Variants in ACTN3 observed in about 807,000 individuals in gnomAD.
The protein encoded by ACTN3 is actinin alpha 3.
ACTN3 carries 91 observed loss-of-function variants against 119.6 expected under a neutral mutation model. The ratio of observed to expected loss-of-function variants is 0.76; its 90% CI spans 0.64 to 0.91. The LOEUF (loss-of-function observed/expected upper bound fraction) is 0.91. Ranked by LOEUF, ACTN3 falls within the 40% of genes least tolerant of loss-of-function variation. The pLI is 0.00. For missense variants in ACTN3, 1,221 were observed against 1,215.1 expected (o/e 1.00, Z -0.07); for synonymous variants, 456 against 478.8 (o/e 0.95, Z 0.62).
intron 11 of ACTN3, 186 bp from the exon 12 acceptor site, chr11:66,559,050 C>T (rs564970643): frequency 4.6e-5 from 23 of 498,294 alleles, no homozygotes; most frequent in African/African-American, 4.0e-4. Context: ...ATGTCATTTG[C>T]GGATCACGCC....
At position 66,560,063 on chromosome 11, in the gene ACTN3, G is replaced by A. The variant is rs192533489; in HGVS notation, c.1523G>A (p.Arg508Gln). 21 of 1,594,968 alleles carry A rather than the reference G, an allele frequency of 1.3e-5. No homozygotes were observed. Among genetic ancestry groups the A allele is most frequent in the Non-Finnish European group, 1.5e-5 (18 of 1,172,862 alleles). ...DNLGTLTQKR[R>Q]DALERMEKLL... ...CTGGGCACCCTGACCCAGAAGAGGC[G>A]GGATGCGCTAGAGGTGGGGCTGGGG... Residue 508 changes from arginine (R) to glutamine (Q), a missense_variant, in exon 13 of 21, where the codon CGG becomes CAG. Arg to Gln is a conservative substitution (Grantham distance 43, BLOSUM62 1). Transcript: ENST00000513398.
intron 14 of ACTN3, 90 bp downstream of exon 14, chr11:66,560,401 G>C: frequency 2.6e-6 from 4 of 1,510,440 alleles, no homozygotes; most frequent in Non-Finnish European, 3.6e-6. Flanking sequence ...CTGGGGCATA[G>C]GGATGGGAGG....
chr11:66,563,224 GGA>G lies in ACTN3; in HGVS notation c.*37_*38del. The G allele has an allele frequency of 6.4e-7, 1 of 1,571,732 alleles. No homozygotes were observed. Among genetic ancestry groups the G allele is most frequent in the Non-Finnish European group, 8.7e-7 (1 of 1,155,408 alleles). On this transcript the variant is annotated 3_prime_UTR_variant, in exon 21 of 21. Transcript: ENST00000513398. ...ACCACTGAGGTTCTCTATGCAAGAT[GGA>G]GAGAGGATGCACCCTGTGGCTGATC...
Position 66,561,651 on chromosome 11 carries a change from C to T in ACTN3, c.2175+14C>T. On this transcript the variant is annotated intron_variant, in intron 17 of 20. Transcript: ENST00000513398. Reference sequence around the variant, plus strand: ...TACAGCATGGAGGTGGGATCACACCCTCTCAGGAGAGTGGGGAGGCAGCAC... The same window carrying T: ...TACAGCATGGAGGTGGGATCACACCTTCTCAGGAGAGTGGGGAGGCAGCAC... The T allele has an allele frequency of 1.9e-6, 3 of 1,605,706 alleles. No homozygotes were observed. Among genetic ancestry groups the T allele is most frequent in the Non-Finnish European group, 2.6e-6 (3 of 1,175,754 alleles).
intron 17 of ACTN3, 52 bp downstream of exon 17, chr11:66,561,689 C>T (rs938072265): frequency 1.3e-6 from 2 of 1,559,386 alleles, no homozygotes; most frequent in Admixed American, 3.7e-5. Context: ...GCTGAGGAGG[C>T]CCAGGGAGAT....
chr11:66,557,610 G>C, intron 9 of ACTN3, 89 bp from the exon 10 acceptor site: 1 of 1,401,418 alleles, frequency 7.1e-7, no homozygotes, highest in Non-Finnish European at 9.7e-7. Flanking sequence ...CTACACTCTG[G>C]CCACAGCCTG....
chr11:66,557,243 C>T lies in ACTN3; in HGVS notation c.897+18C>T, dbSNP rs775522947. On this transcript the variant is annotated intron_variant, in intron 9 of 20. Transcript: ENST00000513398. ...CCAGTGAGGTGAGGCTGGGCTCCCACCGTGCTCTCCCCACCCCAGCCCTAC... is the reference window on the plus strand; with the variant it reads ...CCAGTGAGGTGAGGCTGGGCTCCCATCGTGCTCTCCCCACCCCAGCCCTAC... The T allele has an allele frequency of 1.9e-6, 3 of 1,549,950 alleles. No homozygotes were observed. Among genetic ancestry groups the T allele is most frequent in the Non-Finnish European group, 2.6e-6 (3 of 1,145,932 alleles).
intron 1 of ACTN3, among the ~76,000 whole-genome samples, chr11:66,547,678 C>G: frequency 6.6e-6 from 1 of 152,190 alleles, no homozygotes; most frequent in East Asian, 1.9e-4. Context: ...TTCCCTACCC[C>G]CATTCTTTCC....
In ACTN3 at chr11:66,551,281, A is replaced by G. The variant is rs1252823244; in HGVS notation, c.190A>G (p.Thr64Ala). The G allele has an allele frequency of 1.2e-6, 2 of 1,612,688 alleles. No individual in the cohort carries two copies. Among genetic ancestry groups the G allele is most frequent in the South Asian group, 2.2e-5 (2 of 90,658 alleles). ...CAACTCACACCTGCGCAAGGCAGGC[A>G]CCCAGATCGAGAACATCGAGGAAGA... ...WCNSHLRKAGTQIENIEEDFR... is the reference protein window; with the variant it reads ...WCNSHLRKAGAQIENIEEDFR... The change falls in exon 2 of 21, where the codon ACC (threonine) becomes GCC (alanine). Residue 64 changes from threonine to alanine, a missense_variant. Transcript: ENST00000513398.
At chr11:66,546,539 C>A (rs769391738), upstream of ACTN3, 4 of 1,535,562 alleles carry the variant, frequency 2.6e-6, no homozygotes, top group Non-Finnish European at 3.5e-6. Flanking sequence ...GTCCCACCAG[C>A]GAGGTGCTGG....
Position 66,547,059 on chromosome 11 carries a change from C to A in ACTN3, c.122C>A (p.Pro41Gln), listed in dbSNP as rs200315462. ...EDWDRDLLLD[P>Q]AWEKQQRKTF... ...TGGGACCGCGACCTGCTGCTGGACC[C>A]GGCCTGGGAGAAGCAGCAGCGGAAA... is the stretch of plus-strand genomic sequence containing the variant. The change falls in exon 1 of 21, where the codon CCG becomes CAG. Residue 41 changes from proline to glutamine, a missense_variant. By Grantham distance (76) the Pro-to-Gln change is moderately conservative (BLOSUM62 -1). Transcript: ENST00000513398. The A allele has an allele frequency of 3.0e-3, 4,529 of 1,508,810 alleles. 10 individuals carry two copies. The highest frequency in any genetic ancestry group is 3.6e-3 in the Non-Finnish European group (4,013 of 1,130,332). 93.5% of individuals were successfully genotyped at this position (1,508,810 alleles called of 1,614,324 possible).
intron 3 of ACTN3, among the ~76,000 whole-genome samples, chr11:66,552,065 G>C (rs555795361): frequency 6.7e-6 from 1 of 149,426 alleles, no homozygotes; most frequent in Non-Finnish European, 1.5e-5. Context: ...AACAGAGCGA[G>C]AGACTCTGTC....
intron 5 of ACTN3, 39 bp from the exon 6 acceptor site, chr11:66,555,091 C>G: frequency 1.9e-6 from 3 of 1,606,420 alleles, no homozygotes; most frequent in Non-Finnish European, 2.6e-6. Context: ...GGGGCCCCAG[C>G]TTGAACCCAG....
chr11:66,561,278 C>T lies in ACTN3; in HGVS notation c.1912C>T (p.Arg638Trp), dbSNP rs537021714. Residue 638 changes from arginine (R) to tryptophan (W), a missense_variant, in exon 16 of 21, where the codon CGG (arginine) becomes TGG (tryptophan). Physicochemically the swap from Arg to Trp is moderately radical, Grantham distance 101. This residue lies in a region of ACTN3 where 934 missense variants were observed against 899.9 expected (regional missense o/e 1.04). Transcript: ENST00000513398. ...CDQTLQEELA[R>W]QQVNERLRRQ... ...CCAGACACTGCAGGAGGAGCTGGCA[C>T]GGCAGCAGGTAAACGAGAGGCTCCG... 48 of 1,604,672 alleles carry T rather than the reference C, an allele frequency of 3.0e-5. No individual in the cohort carries two copies. The East Asian group carries it at 5.2e-4, about 17-fold the overall frequency.
chr11:66,561,973 G>A (rs1294320857), intron 17 of ACTN3, 49 bp from the exon 18 acceptor site: 1 of 1,561,394 alleles, frequency 6.4e-7, no homozygotes, highest in African/African-American at 1.4e-5. Flanking sequence ...TAGAGCCAGT[G>A]GCCAGGCACT....
intron 1 of ACTN3, among the ~76,000 whole-genome samples, chr11:66,549,718 C>T (rs1020191194): frequency 3.6e-5 from 4 of 111,912 alleles, no homozygotes; most frequent in Admixed American, 1.4e-4. Context: ...GCAACAAGCG[C>T]GAAACTCTGT....
In ACTN3 at chr11:66,562,107, C is replaced by T; in HGVS notation, c.2261C>T (p.Ala754Val). The T allele has an allele frequency of 6.2e-7, 1 of 1,614,060 alleles. No homozygotes were observed. Among genetic ancestry groups the T allele is most frequent in the South Asian group, 1.1e-5 (1 of 91,076 alleles). Residue 754 changes from alanine (A) to valine (V), a missense_variant, in exon 18 of 21, where the codon GCC becomes GTC. Physicochemically the swap from Ala to Val is moderately conservative, Grantham distance 64. Coordinates refer to ENST00000513398, the MANE Select transcript of ACTN3 (RefSeq NM_001104.4). ...GAGAACCAGGTACTGACCCGAGACG[C>T]CAAGGGACTGAGCCAGGAGCAGCTC... ...EVENQVLTRD[A>V]KGLSQEQLNE...
At chr11:66,555,479 C>T in intron 7 of ACTN3, 112 bp downstream of exon 7, 1 of 1,035,924 alleles carries the variant, frequency 9.7e-7, no homozygotes, top group Non-Finnish European at 1.5e-6. Context: ...CGACCACCCC[C>T]ACCCCACTCC....
At chr11:66,560,869 C>T in intron 15 of ACTN3, 114 bp downstream of exon 15, 1 of 1,155,226 alleles carries the variant, frequency 8.7e-7, no homozygotes, top group Non-Finnish European at 1.2e-6. Context: ...GTGGGGTCTG[C>T]CACAGACTCC....
Sources: gnomAD v4.1 joint callset for allele counts (sites outside exome capture counted in the v4.1 genomes callset) on GRCh38, gnomAD v4.1.1 for gene constraint, gnomAD v4.1.1 regional missense constraint, MANE v1.5 for transcripts, NCBI Gene and HGNC (gene_info 2026-07-23, HGNC 2026-07-21) for gene names.